ABHD18: variants seen among roughly 807,000 people sequenced by gnomAD.
The protein encoded by ABHD18 is abhydrolase domain containing 18, also known as cardiolipin-specific deacylase, mitochondrial.
In ABHD18, 55 loss-of-function variants were observed where a neutral mutation model predicts 65.9. The observed-to-expected ratio is 0.84, with a 90% CI of 0.67 to 1.05. The LOEUF (loss-of-function observed/expected upper bound fraction) is 1.05, where lower values mean the gene tolerates loss of function less well. Among genes scored for constraint, ABHD18 ranks in the 50% least tolerant of loss-of-function variants. ABHD18 has a pLI of 0.00. For missense variants in ABHD18, 533 were observed against 558.5 expected (o/e 0.95, Z 0.46); for synonymous variants, 181 against 180.2 (o/e 1.00, Z -0.04).
chr4:128,009,323 G>C (rs756061181), intron 6 of ABHD18, 132 bp downstream of exon 6: 23 of 480,996 alleles, frequency 4.8e-5, no homozygotes, highest in Non-Finnish European at 8.0e-5. Context: ...AAATACTTAA[G>C]GAGCAAGAAT....
intron 1 of ABHD18, among the ~76,000 whole-genome samples, chr4:127,967,708 GA>G (rs796595535): frequency 8.4e-4 from 109 of 129,560 alleles, no homozygotes; most frequent in Middle Eastern, 3.9e-3. Context: ...GTACCAGTAG[GA>G]AAAAAAAAAA....
rs149651574 is a variant in ABHD18 at position 127,983,049 on chromosome 4, C to T, written c.92+2C>T. The T allele has an allele frequency of 7.3e-4, 1,138 of 1,548,774 alleles. 13 individuals are homozygous for T. The East Asian group carries it at 0.021, about 29-fold the overall frequency. The stretch of plus-strand genomic sequence containing the variant: ...GGGAAGGCCAGAAGATCTCAAAAGG[C>T]AAGCAATTTTTTTTCCTGAATACTT... On this transcript the variant is annotated splice_donor_variant, in intron 2 of 12. Coordinates refer to ENST00000645843, the MANE Select transcript of ABHD18 (RefSeq NM_001358451.3). LOFTEE classifies it low-confidence loss of function (GC_TO_GT_DONOR).
intron 7 of ABHD18, among the ~76,000 whole-genome samples, chr4:128,015,949 A>G (rs1276006029): frequency 6.9e-6 from 1 of 145,664 alleles, no homozygotes; most frequent in Admixed American, 6.9e-5. Flanking sequence ...ATATTTAAAT[A>G]CTTTTTTTTT....
chr4:128,027,976 G>A (rs1446806460), intron 10 of ABHD18, among the ~76,000 whole-genome samples: 1 of 152,002 alleles, frequency 6.6e-6, no homozygotes, highest in Non-Finnish European at 1.5e-5. Flanking sequence ...AAAAAGTCAT[G>A]GTAAATATAT....
chr4:128,003,359 T>C (rs1219479674), intron 4 of ABHD18, among the ~76,000 whole-genome samples: 2 of 146,994 alleles, frequency 1.4e-5, no homozygotes, highest in Non-Finnish European at 3.0e-5. Context: ...CAGAGTGAGA[T>C]GCTGTCTCAA....
At position 128,033,831 on chromosome 4, in the gene ABHD18, C is replaced by G. The variant is rs914168697; in HGVS notation, c.1344-1931C>G. Among the ~76,000 whole-genome samples, 3 of 151,022 alleles carry G rather than the reference C, an allele frequency of 2.0e-5. No individual in the cohort carries two copies. The East Asian group carries it at 5.9e-4, about 30-fold the overall frequency. On this transcript the variant is annotated intron_variant, in intron 12 of 12. Coordinates refer to ENST00000645843, the MANE Select transcript of ABHD18 (RefSeq NM_001358451.3). ...GATTACAGGCGTGAGCCACCGCACC[C>G]GGCTAAAGACAGTCTTAATAGCTGT...
intron 4 of ABHD18, among the ~76,000 whole-genome samples, chr4:128,004,160 T>C (rs1753188877): frequency 6.6e-6 from 1 of 152,048 alleles, no homozygotes; most frequent in African/African-American, 2.4e-5. Context: ...TTTTAGAAAA[T>C]ATGAGGCTCA....
At chr4:128,012,915 A>C (rs1437822837) in intron 7 of ABHD18, among the ~76,000 whole-genome samples, 5 of 151,644 alleles carry the variant, frequency 3.3e-5, no homozygotes, top group Admixed American at 6.6e-5. Context: ...AAAATACAAA[A>C]ATTAGCCAGG....
chr4:128,030,233 G>A (rs781268148), intron 11 of ABHD18, among the ~76,000 whole-genome samples: 103 of 152,170 alleles, frequency 6.8e-4, no homozygotes, highest in Middle Eastern at 3.4e-3. Context: ...TTGCATGCCC[G>A]TATCAAAATA....
rs200066744 is a variant in ABHD18, at chr4:128,017,452, G to A, written c.560G>A (p.Arg187Lys). The change falls in exon 8 of 13, where the codon AGG (arginine) becomes AAG (lysine). Residue 187 changes from arginine to lysine, a missense_variant. By Grantham distance (26) the Arg-to-Lys change is conservative. This residue lies in a region of ABHD18 where 309 missense variants were observed against 313.5 expected (regional missense o/e 0.99). Transcript: ENST00000645843. ...ESAALLHWLE[R>K]EGYGPLGMTG... ...GCAGCTCTCTTGCACTGGCTAGAGA[G>A]GGAAGGTTACGGCCCTTTAGGAATG... 9 of 1,613,690 alleles carry A rather than the reference G, an allele frequency of 5.6e-6. No individual in the cohort carries two copies. The Middle Eastern group carries it at 5.0e-4, about 89-fold the overall frequency.
chr4:128,009,758 A>G (rs960229427), intron 6 of ABHD18: 2 of 152,524 alleles, frequency 1.3e-5, no homozygotes, highest in Non-Finnish European at 2.9e-5. Context: ...ATATTTTACC[A>G]TATGTATCAG....
At position 128,030,116 on chromosome 4, in the gene ABHD18, A is replaced by G. The variant is rs140455170; in HGVS notation, c.1181-394A>G. 4.3e-3 allele frequency among the ~76,000 whole-genome samples: 662 copies of G among 152,268 alleles called. 9 individuals are homozygous for G. The highest frequency in any genetic ancestry group is 0.015 in the African/African-American group (630 of 41,564). On this transcript the variant is annotated intron_variant, in intron 11 of 12. Transcript: ENST00000645843. ...GCTGTAGTGCACTATGATCTTGCCA[A>G]TGAATAGCCACTGCATTTCAGCCTG...
intron 10 of ABHD18, among the ~76,000 whole-genome samples, chr4:128,026,094 G>T (rs1162492927): frequency 6.6e-6 from 1 of 151,894 alleles, no homozygotes; most frequent in Non-Finnish European, 1.5e-5. Context: ...TTTGAGACCA[G>T]CCTGGCCAAC....
At chr4:128,007,410 A>G (rs1163359767) in intron 4 of ABHD18, among the ~76,000 whole-genome samples, 1 of 151,850 alleles carries the variant, frequency 6.6e-6, no homozygotes, top group African/African-American at 2.4e-5. Flanking sequence ...AAAAGAAAAA[A>G]CATAAAACAT....
At chr4:127,992,932 CA>C (rs1553962388) in intron 4 of ABHD18, among the ~76,000 whole-genome samples, 1 of 151,600 alleles carries the variant, frequency 6.6e-6, no homozygotes, top group Non-Finnish European at 1.5e-5. Context: ...CTGTCTCTAC[CA>C]AAAAAATAGA....
At chr4:127,982,798 A>T in intron 1 of ABHD18, 141 bp from the exon 2 acceptor site, 1 of 537,886 alleles carries the variant, frequency 1.9e-6, no homozygotes, top group Non-Finnish European at 3.2e-6. Flanking sequence ...TTTTCCCCCA[A>T]ATCTTGTATT....
chr4:128,013,851 A>G (rs892222488), intron 7 of ABHD18, among the ~76,000 whole-genome samples: 2 of 152,138 alleles, frequency 1.3e-5, no homozygotes, highest in Non-Finnish European at 2.9e-5. Context: ...AGAGGTATAG[A>G]TGAAAGTAGG....
rs1757704479 is a variant in ABHD18, at chr4:128,028,476, C to T, written c.803C>T (p.Thr268Ile). 2.0e-6 allele frequency: 3 copies of T among 1,529,422 alleles called. No homozygotes were observed. The highest frequency in any genetic ancestry group is 1.4e-5 in the African/African-American group (1 of 71,756). 94.7% of individuals were successfully genotyped at this position (1,529,422 alleles called of 1,614,324 possible). ...EIIHMLEYCG[T>I]DSFKMGQEFV... ...TTTTCTTTCCTTTCATATGTTCAGA[C>T]AGATTCTTTCAAAATGGGACAAGAG... is the stretch of plus-strand genomic sequence containing the variant. The change falls in exon 11 of 13, where the codon ACA (threonine) becomes ATA (isoleucine). Residue 268 changes from threonine to isoleucine, a missense_variant and splice_region_variant. This residue lies in a region of ABHD18 where 4 missense variants were observed against 18.2 expected (regional missense o/e 0.22). Coordinates refer to ENST00000645843, the MANE Select transcript of ABHD18 (RefSeq NM_001358451.3).
In ABHD18 at chr4:128,008,034, C is replaced by T. The variant is rs539884045; in HGVS notation, c.279-886C>T. 6.6e-5 allele frequency among the ~76,000 whole-genome samples: 10 copies of T among 151,970 alleles called. No individual in the cohort carries two copies. In the East Asian group the frequency reaches 1.8e-3, roughly 27 times the overall value. The stretch of plus-strand genomic sequence containing the variant: ...ATCCCAGCACTTTGGGAGGCTGAGG[C>T]GGGTGGATCACAAGGTCAGGAGTTC... On this transcript the variant is annotated intron_variant, in intron 4 of 12. Transcript: ENST00000645843.
Sources: allele counts gnomAD v4.1 joint callset (sites outside exome capture counted in the v4.1 genomes callset), GRCh38; gene constraint gnomAD v4.1.1; regional missense constraint gnomAD v4.1.1; transcripts MANE v1.5; gene names NCBI Gene and HGNC (gene_info 2026-07-23, HGNC 2026-07-21).